The following GRM7 variants were observed in gnomAD, a reference collection of about 807,000 sequenced individuals.
GRM7 encodes metabotropic glutamate receptor 7.
In GRM7, 35 loss-of-function variants were observed where a neutral mutation model predicts 84.5. The ratio of observed to expected loss-of-function variants is 0.41; its 90% CI spans 0.32 to 0.55. The LOEUF (loss-of-function observed/expected upper bound fraction) is 0.55, where lower values mean the gene tolerates loss of function less well. Among genes scored for constraint, GRM7 ranks in the 20% least tolerant of loss-of-function variants. The pLI is 0.19. For missense variants in GRM7, 1,003 were observed against 1,194.6 expected, an observed-to-expected ratio of 0.84 and a Z score of 2.36; for synonymous variants, 487 against 455.1, an observed-to-expected ratio of 1.07 and a Z score of -0.89.
chr3:7,349,418 T>G (rs564034206), intron 4 of GRM7, among the ~76,000 whole-genome samples: 2 of 152,268 alleles, frequency 1.3e-5, no homozygotes, highest in South Asian at 4.1e-4. Context: ...TCAAGCACAG[T>G]ATGAATATTT....
intron 2 of GRM7, among the ~76,000 whole-genome samples, chr3:7,196,586 C>G (rs1029958111): frequency 6.6e-6 from 1 of 152,104 alleles, no homozygotes; most frequent in African/African-American, 2.4e-5. Flanking sequence ...CCGAAATGGC[C>G]TTTCACCTAC....
chr3:7,729,343 C>T (rs76994701), intron 9 of GRM7, among the ~76,000 whole-genome samples: 4,741 of 152,152 alleles, frequency 0.031, 259 homozygotes, highest in African/African-American at 0.11. Flanking sequence ...AACACCTGTA[C>T]TTTTGGTTGG....
At chr3:7,649,412 C>T (rs532933018) in intron 8 of GRM7, among the ~76,000 whole-genome samples, 51 of 152,232 alleles carry the variant, frequency 3.4e-4, no homozygotes, top group Non-Finnish European at 5.9e-4. Context: ...CTTTAAGTTA[C>T]TGTATGTTTC....
intron 7 of GRM7, among the ~76,000 whole-genome samples, chr3:7,566,103 G>GTTTTTT (rs58178956): frequency 3.1e-5 from 4 of 129,988 alleles, no homozygotes; most frequent in African/African-American, 6.0e-5. Flanking sequence ...TGAATCAGCT[G>GTTTTTT]TTTTTTTTTT....
At chr3:7,678,827 T>C (rs1439658710) in intron 8 of GRM7, among the ~76,000 whole-genome samples, 1 of 152,228 alleles carries the variant, frequency 6.6e-6, no homozygotes, top group Non-Finnish European at 1.5e-5. Context: ...GCAGCCAATA[T>C]GTCTGATGGA....
chr3:6,888,736 A>C (rs1348182264), intron 1 of GRM7, among the ~76,000 whole-genome samples: 3 of 152,140 alleles, frequency 2.0e-5, no homozygotes, highest in Non-Finnish European at 2.9e-5. Flanking sequence ...GTTCCATATG[A>C]ACTTTAAAGT....
chr3:7,074,491 T>C (rs563580814), intron 1 of GRM7, among the ~76,000 whole-genome samples: 14 of 152,322 alleles, frequency 9.2e-5, no homozygotes, highest in African/African-American at 3.4e-4. Flanking sequence ...GAATTATTTA[T>C]GTTACTGTTC....
chr3:7,507,899 C>A (rs1700084776), intron 7 of GRM7, among the ~76,000 whole-genome samples: 1 of 152,176 alleles, frequency 6.6e-6, no homozygotes, highest in African/African-American at 2.4e-5. Context: ...GCTTGTTCAA[C>A]ACTTATTTCC....
intron 8 of GRM7, among the ~76,000 whole-genome samples, chr3:7,674,621 A>G (rs981777285): frequency 3.9e-5 from 6 of 152,234 alleles, no homozygotes; most frequent in African/African-American, 1.4e-4. Flanking sequence ...AAACTTAAAA[A>G]TGGCTCTCTT....
chr3:6,927,525 A>G (rs1205293485), intron 1 of GRM7, among the ~76,000 whole-genome samples: 1 of 150,582 alleles, frequency 6.6e-6, no homozygotes, highest in Non-Finnish European at 1.5e-5. Context: ...AAGAAGAGAA[A>G]AGAAAGAAAG....
chr3:7,275,996 GCTGTGATTCT>G (rs1343402528), intron 2 of GRM7, among the ~76,000 whole-genome samples: 1 of 152,124 alleles, frequency 6.6e-6, no homozygotes, highest in Non-Finnish European at 1.5e-5. Flanking sequence ...GCTCTGGTAA[GCTGTGATTCT>G]CTGTATTCAC....
At chr3:7,089,703 C>G (rs1004566754) in intron 1 of GRM7, among the ~76,000 whole-genome samples, 1 of 152,042 alleles carries the variant, frequency 6.6e-6, no homozygotes, top group African/African-American at 2.4e-5. Flanking sequence ...TCTTTGACAA[C>G]CTTACATTTT....
chr3:7,646,981 T>C (rs1698676652), intron 8 of GRM7, among the ~76,000 whole-genome samples: 1 of 152,200 alleles, frequency 6.6e-6, no homozygotes, highest in African/African-American at 2.4e-5. Flanking sequence ...AGAGGTGAAC[T>C]GGGTCAAGGG....
intron 8 of GRM7, among the ~76,000 whole-genome samples, chr3:7,677,556 G>GA (rs910120794): frequency 4.0e-4 from 61 of 152,118 alleles, no homozygotes; most frequent in African/African-American, 1.4e-3. Flanking sequence ...AGGGGCTGTA[G>GA]AAAAAATATG....
intron 1 of GRM7, among the ~76,000 whole-genome samples, chr3:7,120,959 G>A (rs932347864): frequency 5.9e-5 from 9 of 152,110 alleles, no homozygotes; most frequent in East Asian, 1.9e-4. Flanking sequence ...TACCTGTATC[G>A]CATCACTTAC....
chr3:7,391,512 G>A lies in GRM7; in HGVS notation c.1034-23511G>A, dbSNP rs535565341. Among the ~76,000 whole-genome samples the A allele has an allele frequency of 4.6e-5, 7 of 152,174 alleles. No homozygotes were observed. In the East Asian group the frequency reaches 1.4e-3, roughly 29 times the overall value. ...CTCATAGGTGGGAACTGAACAATGAGAACACTTGGACACAGGGTGGAGAAC... is the reference window on the plus strand; with the variant it reads ...CTCATAGGTGGGAACTGAACAATGAAAACACTTGGACACAGGGTGGAGAAC... On this transcript the variant is annotated intron_variant, in intron 4 of 9. Coordinates refer to ENST00000357716, the MANE Select transcript of GRM7 (RefSeq NM_000844.4).
At chr3:6,953,579 C>G (rs372724253) in intron 1 of GRM7, among the ~76,000 whole-genome samples, 1 of 152,190 alleles carries the variant, frequency 6.6e-6, no homozygotes, top group Non-Finnish European at 1.5e-5. Context: ...CTTAAGGGAG[C>G]CTTCTTCTTT....
intron 1 of GRM7, among the ~76,000 whole-genome samples, chr3:7,112,414 TG>T (rs1391838676): frequency 1.3e-5 from 2 of 151,952 alleles, no homozygotes; most frequent in Non-Finnish European, 2.9e-5. Context: ...TTAGTAGAGA[TG>T]GGGTTTCACC....
At chr3:7,568,447 A>G (rs1694433978) in intron 7 of GRM7, among the ~76,000 whole-genome samples, 1 of 152,258 alleles carries the variant, frequency 6.6e-6, no homozygotes, top group African/African-American at 2.4e-5. Flanking sequence ...GCGTGCTGAC[A>G]GCCCTCACTC....
Sources: allele counts gnomAD v4.1 joint callset (sites outside exome capture counted in the v4.1 genomes callset), GRCh38; gene constraint gnomAD v4.1.1; transcripts MANE v1.5; gene names NCBI Gene and HGNC (gene_info 2026-07-23, HGNC 2026-07-21).